FHIT: variants seen among roughly 807,000 people sequenced by gnomAD.
The protein encoded by FHIT is fragile histidine triad diadenosine triphosphatase, also known as bis(5'-adenosyl)-triphosphatase.
A neutral mutation model predicts 17.9 loss-of-function variants in FHIT; 19 were observed. That is an observed-to-expected ratio of 1.06 (90% CI 0.74 to 1.56). The LOEUF (loss-of-function observed/expected upper bound fraction) is 1.56, where lower values mean the gene tolerates loss of function less well. FHIT is among the 40% of genes most tolerant of loss of function. The probability of loss-of-function intolerance (pLI) is 0.00; values close to 1 mark genes in which losing one functional copy is unlikely to be tolerated. For missense variants in FHIT, 248 were observed against 189.2 expected, an observed-to-expected ratio of 1.31 and a Z score of -1.82; for synonymous variants, 81 against 69.7, an observed-to-expected ratio of 1.16 and a Z score of -0.81.
At chr3:60,323,571 G>C (rs542894510) in intron 5 of FHIT, among the ~76,000 whole-genome samples, 2 of 152,278 alleles carry the variant, frequency 1.3e-5, no homozygotes, top group South Asian at 4.1e-4. Flanking sequence ...ACTCCACAGG[G>C]AGAGGAGGAA....
At chr3:61,059,398 C>CG (rs2034347066) in intron 2 of FHIT, among the ~76,000 whole-genome samples, 7 of 123,704 alleles carry the variant, frequency 5.7e-5, no homozygotes, top group Admixed American at 5.3e-4. Context: ...TTTTTTTTGC[C>CG]AGAAAGCAGT....
At chr3:60,933,337 T>C (rs1553772306) in intron 3 of FHIT, among the ~76,000 whole-genome samples, 1 of 152,212 alleles carries the variant, frequency 6.6e-6, no homozygotes. Context: ...GTGAAATTCA[T>C]TTAGTGATAT....
chr3:60,248,610 G>A (rs977158772), intron 5 of FHIT, among the ~76,000 whole-genome samples: 1 of 152,114 alleles, frequency 6.6e-6, no homozygotes, highest in African/African-American at 2.4e-5. Context: ...TTTGTCAGGA[G>A]GGAGTAAGAA....
At chr3:60,240,332 G>A (rs1267959341) in intron 5 of FHIT, among the ~76,000 whole-genome samples, 3 of 152,166 alleles carry the variant, frequency 2.0e-5, no homozygotes, top group African/African-American at 4.8e-5. Context: ...AGCCAGTTAT[G>A]TAGCTATTAA....
intron 4 of FHIT, among the ~76,000 whole-genome samples, chr3:60,549,302 C>T (rs796338478): frequency 5.3e-5 from 8 of 152,212 alleles, no homozygotes; most frequent in African/African-American, 1.7e-4. Context: ...CAAAAACTAC[C>T]ATCTGATTAA....
At chr3:61,178,785 A>C (rs1006407045) in intron 2 of FHIT, among the ~76,000 whole-genome samples, 1 of 152,028 alleles carries the variant, frequency 6.6e-6, no homozygotes, top group African/African-American at 2.4e-5. Flanking sequence ...TAAATGAGTT[A>C]TCTGGTATAA....
chr3:61,095,655 A>C (rs2035615610), intron 2 of FHIT, among the ~76,000 whole-genome samples: 1 of 152,130 alleles, frequency 6.6e-6, no homozygotes, highest in South Asian at 2.1e-4. Context: ...CTGTTTTAAA[A>C]AAAAAAATTC....
chr3:60,694,642 T>G (rs1240442697), intron 4 of FHIT, among the ~76,000 whole-genome samples: 3 of 152,092 alleles, frequency 2.0e-5, no homozygotes, highest in African/African-American at 7.2e-5. Flanking sequence ...CTATTCACAA[T>G]AGCAAAGACC....
chr3:60,548,130 CGAGAGAGAGAGAGCGA>C lies in FHIT; in HGVS notation c.-17-11167_-17-11152del, dbSNP rs1383110710. ...TAAAGCAGGCAGAAAAAAAGGAGCACGAGAGAGAGAGAGCGAGAGAGAGAGAGAGAGAGAGACACTC... is the reference window on the plus strand; with the variant it reads ...TAAAGCAGGCAGAAAAAAAGGAGCACGAGAGAGAGAGAGAGAGAGACACTC... On this transcript the variant is annotated intron_variant, in intron 4 of 9. Transcript: ENST00000492590. Among the ~76,000 whole-genome samples the C allele has an allele frequency of 1.7e-3, 28 of 16,282 alleles. 1 individual carries two copies. In the South Asian group the frequency reaches 0.057, roughly 33 times the overall value. The allele number at this position is 16,282 out of a possible 152,430, so 10.7% of individuals were successfully genotyped here. A position where few individuals can be genotyped will look rare whatever the true frequency, so the allele number is the denominator to read the frequency against.
chr3:60,992,812 T>C (rs954319313), intron 3 of FHIT, among the ~76,000 whole-genome samples: 3 of 152,226 alleles, frequency 2.0e-5, no homozygotes, highest in African/African-American at 4.8e-5. Context: ...CTGTGTGCTC[T>C]ATAAAGAATA....
chr3:59,967,522 T>C (rs1707981964), intron 7 of FHIT, among the ~76,000 whole-genome samples: 1 of 152,178 alleles, frequency 6.6e-6, no homozygotes, highest in Non-Finnish European at 1.5e-5. Flanking sequence ...TAGGGCCACC[T>C]TCATACATGC....
chr3:59,990,685 G>A (rs1208705409), intron 7 of FHIT, among the ~76,000 whole-genome samples: 2 of 152,002 alleles, frequency 1.3e-5, no homozygotes, highest in Non-Finnish European at 2.9e-5. Context: ...AGAGCAACAT[G>A]AGCAAAGAAC....
intron 5 of FHIT, among the ~76,000 whole-genome samples, chr3:60,183,263 T>C (rs987507561): frequency 6.6e-6 from 1 of 151,800 alleles, no homozygotes; most frequent in Non-Finnish European, 1.5e-5. Flanking sequence ...CTAGGTGTGG[T>C]GGTGCATGCC....
At chr3:60,367,942 G>C (rs1700174501) in intron 5 of FHIT, among the ~76,000 whole-genome samples, 1 of 152,058 alleles carries the variant, frequency 6.6e-6, no homozygotes, top group African/African-American at 2.4e-5. Flanking sequence ...CAACTATTTA[G>C]AGAAGTCCAC....
intron 7 of FHIT, among the ~76,000 whole-genome samples, chr3:59,986,540 T>TATATATATATATACACACACAC (rs1473518719): frequency 8.0e-5 from 1 of 12,442 alleles, no homozygotes; most frequent in African/African-American, 3.5e-4. Context: ...TATATATATA[T>TATATATATATATACACACACAC]ACACACACAC....
intron 4 of FHIT, among the ~76,000 whole-genome samples, chr3:60,555,659 C>T (rs2036715906): frequency 6.6e-6 from 1 of 152,114 alleles, no homozygotes; most frequent in Admixed American, 6.5e-5. Context: ...CTAATCCTAC[C>T]CATCTCATTA....
chr3:60,070,320 C>G (rs1702709911), intron 5 of FHIT, among the ~76,000 whole-genome samples: 1 of 152,208 alleles, frequency 6.6e-6, no homozygotes, highest in Non-Finnish European at 1.5e-5. Context: ...GAAGCCACGG[C>G]TTCTGACAGT....
Position 60,409,996 on chromosome 3 carries a change from C to A in FHIT, c.103+126864G>T, listed in dbSNP as rs75354319. The stretch of plus-strand genomic sequence containing the variant: ...TAATGGGAAAATCGAACAAAAACAA[C>A]ACCCTAACAGATTTATTTTAATAAT... On this transcript the variant is annotated intron_variant, in intron 5 of 9. Coordinates refer to ENST00000492590, the MANE Select transcript of FHIT (RefSeq NM_002012.4). Among the ~76,000 whole-genome samples, 84 of 152,260 alleles carry A rather than the reference C, an allele frequency of 5.5e-4. 4 individuals carry two copies. In the East Asian group the frequency reaches 0.015, roughly 28 times the overall value.
chr3:60,494,556 G>C (rs959810897), intron 5 of FHIT, among the ~76,000 whole-genome samples: 1 of 152,006 alleles, frequency 6.6e-6, no homozygotes, highest in East Asian at 2.0e-4. Flanking sequence ...CAAATACTAG[G>C]TCTTATTCAT....
Sources: gnomAD v4.1 joint callset for allele counts (sites outside exome capture counted in the v4.1 genomes callset) on GRCh38, gnomAD v4.1.1 for gene constraint, MANE v1.5 for transcripts, NCBI Gene and HGNC (gene_info 2026-07-23, HGNC 2026-07-21) for gene names.